Variants in LIPI observed in about 807,000 individuals in gnomAD.
The protein encoded by LIPI is lipase member I.
Under a neutral mutation model 50.6 loss-of-function variants are expected in LIPI, and 59 were observed. That is an observed-to-expected ratio of 1.16 (90% CI 0.94 to 1.45). The LOEUF (loss-of-function observed/expected upper bound fraction) is 1.45. Among genes scored for constraint, LIPI ranks in the 40% most tolerant of loss-of-function variants. LIPI has a pLI of 0.00. For synonymous variants in LIPI, 203 were observed against 178.2 expected, an observed-to-expected ratio of 1.14 and a Z score of -1.11; for missense variants, 586 against 536.3, an observed-to-expected ratio of 1.09 and a Z score of -0.92.
chr21:14,109,181 A>C (rs1007504190), intron 9 of LIPI, 101 bp from the exon 10 acceptor site: 2 of 882,082 alleles, frequency 2.3e-6, no homozygotes, highest in Admixed American at 3.7e-5. Flanking sequence ...CATGCCTGTA[A>C]CTAGCTAGTT....
chr21:14,184,834 C>T (rs1033502831), intron 3 of LIPI, among the ~76,000 whole-genome samples: 114 of 152,290 alleles, frequency 7.5e-4, no homozygotes, highest in Middle Eastern at 6.8e-3. Flanking sequence ...CTTGACCCTC[C>T]TACATTCATT....
At chr21:14,161,719 TATATAATATA>T (rs1568858508) in intron 7 of LIPI, among the ~76,000 whole-genome samples, 1,427 of 90,958 alleles carry the variant, frequency 0.016, 65 homozygotes, top group Middle Eastern at 0.034. Context: ...TATATATTAA[TATATAATATA>T]TACATTATTA....
At chr21:14,134,370 C>T (rs1006668334) in intron 9 of LIPI, among the ~76,000 whole-genome samples, 1 of 151,946 alleles carries the variant, frequency 6.6e-6, no homozygotes, top group African/African-American at 2.4e-5. Context: ...CCATACTGCC[C>T]AAAGCAATCT....
At position 14,171,168 on chromosome 21, in the gene LIPI, T is replaced by G. The variant is rs891276967; in HGVS notation, c.644-4717A>C. On this transcript the variant is annotated intron_variant, in intron 4 of 9. Coordinates refer to ENST00000681601, the MANE Select transcript of LIPI (RefSeq NM_001302998.2). ...GAATCCAACTTACAAGGGATGTGAT[T>G]GACCTCTTCAAGAAGAACTACAAAC... 4.0e-5 allele frequency among the ~76,000 whole-genome samples: 6 copies of G among 151,242 alleles called. No homozygotes were observed. In the East Asian group the frequency reaches 7.8e-4, roughly 20 times the overall value.
At position 14,132,572 on chromosome 21, in the gene LIPI, G is replaced by A. The variant is rs190196797; in HGVS notation, c.1295+12051C>T. On this transcript the variant is annotated intron_variant, in intron 9 of 9. Coordinates refer to ENST00000681601, the MANE Select transcript of LIPI (RefSeq NM_001302998.2). The stretch of plus-strand genomic sequence containing the variant: ...CAAGTCCTACAGGAAATGCTCAAAG[G>A]GATCCTAAACATGGAAACAAAAAGT... Among the ~76,000 whole-genome samples the A allele has an allele frequency of 3.9e-5, 6 of 151,978 alleles. No homozygotes were observed. The East Asian group carries it at 1.2e-3, about 29-fold the overall frequency.
intron 1 of LIPI, among the ~76,000 whole-genome samples, chr21:14,200,191 C>T (rs1029093367): frequency 2.6e-5 from 4 of 151,922 alleles, no homozygotes; most frequent in African/African-American, 9.7e-5. Context: ...GAAAACCAGC[C>T]AAGACAAGGA....
intron 4 of LIPI, among the ~76,000 whole-genome samples, chr21:14,177,091 T>C (rs1419919416): frequency 6.6e-6 from 1 of 152,122 alleles, no homozygotes; most frequent in Non-Finnish European, 1.5e-5. Context: ...TTGCCTTTTT[T>C]TGCAATGTGT....
intron 9 of LIPI, among the ~76,000 whole-genome samples, chr21:14,120,425 A>T (rs962609630): frequency 5.9e-5 from 9 of 152,220 alleles, no homozygotes; most frequent in African/African-American, 2.2e-4. Context: ...TTTACAAAGA[A>T]AGAGAACTGT....
chr21:14,142,689 G>A (rs953301739), intron 9 of LIPI, among the ~76,000 whole-genome samples: 10 of 151,368 alleles, frequency 6.6e-5, no homozygotes, highest in South Asian at 2.1e-4. Flanking sequence ...TTGCCTTGTT[G>A]CCCACGCTGG....
intron 7 of LIPI, among the ~76,000 whole-genome samples, chr21:14,154,862 T>G (rs2018221605): frequency 6.6e-6 from 1 of 151,974 alleles, no homozygotes; most frequent in African/African-American, 2.4e-5. Flanking sequence ...TTTAAATAGA[T>G]CTCAGATTTT....
intron 9 of LIPI, among the ~76,000 whole-genome samples, chr21:14,128,234 T>C (rs1205031999): frequency 6.6e-6 from 1 of 152,096 alleles, no homozygotes; most frequent in Admixed American, 6.5e-5. Context: ...TACTATCTCA[T>C]AGTTGCAGAA....
intron 7 of LIPI, 92 bp from the exon 8 acceptor site, chr21:14,152,776 A>C (rs1235045741): frequency 3.1e-6 from 2 of 641,554 alleles, no homozygotes; most frequent in Middle Eastern, 4.2e-4. Context: ...GTATGTATAG[A>C]TAGATATGTA....
intron 9 of LIPI, among the ~76,000 whole-genome samples, chr21:14,141,320 A>G (rs1011126184): frequency 1.3e-5 from 2 of 151,260 alleles, no homozygotes; most frequent in African/African-American, 4.8e-5. Context: ...TGATAAATAT[A>G]TTTTCTACAT....
chr21:14,162,030 A>T (rs1165200356), intron 7 of LIPI, among the ~76,000 whole-genome samples: 1 of 147,576 alleles, frequency 6.8e-6, no homozygotes, highest in Non-Finnish European at 1.5e-5. Flanking sequence ...TTAGTTGCTG[A>T]GTAGTATCCC....
chr21:14,122,679 G>A (rs2032284), intron 9 of LIPI, among the ~76,000 whole-genome samples: 6,296 of 152,236 alleles, frequency 0.041, 347 homozygotes, highest in East Asian at 0.25. Context: ...AGGGGGAGTA[G>A]CTCTGCTTGC....
intron 9 of LIPI, among the ~76,000 whole-genome samples, chr21:14,124,715 T>C (rs1191954715): frequency 1.3e-5 from 2 of 152,246 alleles, no homozygotes; most frequent in African/African-American, 2.4e-5. Flanking sequence ...CAGACTTTTC[T>C]GGACACTAGT....
At chr21:14,149,830 C>T (rs770697436) in intron 8 of LIPI, among the ~76,000 whole-genome samples, 2 of 152,188 alleles carry the variant, frequency 1.3e-5, no homozygotes, top group Middle Eastern at 3.2e-3. Context: ...CTTTAGGCAG[C>T]TCCACCCCTG....
At chr21:14,122,680 C>T (rs1401768850) in intron 9 of LIPI, among the ~76,000 whole-genome samples, 1 of 152,198 alleles carries the variant, frequency 6.6e-6, no homozygotes, top group Non-Finnish European at 1.5e-5. Flanking sequence ...GGGGGAGTAG[C>T]TCTGCTTGCC....
rs2018638127 is a variant in LIPI at position 14,165,287 on chromosome 21, T to C, written c.837A>G (p.Lys279=). 1 of 1,612,832 alleles carries C rather than the reference T, an allele frequency of 6.2e-7. No individual in the cohort carries two copies. The highest frequency in any genetic ancestry group is 1.3e-5 in the African/African-American group (1 of 74,896). Residue 279 remains lysine, a synonymous_variant, in exon 6 of 10, where the codon AAA becomes AAG. Coordinates refer to ENST00000681601, the MANE Select transcript of LIPI (RefSeq NM_001302998.2). Reference sequence around the variant, plus strand: ...CCACACATAAGCTAGTCTTGTAATCTTTGTATGAACGACAAGGAAATGAAA... The same window carrying C: ...CCACACATAAGCTAGTCTTGTAATCCTTGTATGAACGACAAGGAAATGAAA... The part of the protein sequence containing the change: ...NFISFPCRSY[K]DYKTSLCVDC...
Sources: allele counts gnomAD v4.1 joint callset (sites outside exome capture counted in the v4.1 genomes callset), GRCh38; gene constraint gnomAD v4.1.1; transcripts MANE v1.5; gene names NCBI Gene and HGNC (gene_info 2026-07-23, HGNC 2026-07-21).